TSPAN7: variants seen among roughly 807,000 people sequenced by gnomAD.
The protein encoded by TSPAN7 is tetraspanin-7.
TSPAN7 carries 1 observed loss-of-function variant against 17.6 expected under a neutral mutation model. The observed-to-expected ratio is 0.06, with a 90% CI of 0.02 to 0.27. The LOEUF is 0.27. Ranked by LOEUF, TSPAN7 falls within the 10% of genes least tolerant of loss-of-function variation. TSPAN7 has a pLI of 1.00. For missense variants in TSPAN7, 112 were observed against 201.7 expected (o/e 0.56, Z 2.69); for synonymous variants, 78 against 79.0 (o/e 0.99, Z 0.07).
At chrX:38,638,876 T>G (rs1251944781) in intron 1 of TSPAN7, among the ~76,000 whole-genome samples, 1 of 111,723 alleles carries the variant, frequency 9.0e-6, no homozygotes, top group South Asian at 3.8e-4. Context: ...TTCAAGGCTT[T>G]TCTCTGGAAT....
chrX:38,631,057 A>T (rs1421074478), intron 1 of TSPAN7, among the ~76,000 whole-genome samples: 2 of 112,551 alleles, frequency 1.8e-5, no homozygotes, highest in East Asian at 5.5e-4. Flanking sequence ...GTAATAATTT[A>T]AAAAATACAA....
intron 2 of TSPAN7, among the ~76,000 whole-genome samples, chrX:38,669,640 T>C (rs1258048342): frequency 8.9e-6 from 1 of 112,432 alleles, no homozygotes; most frequent in Admixed American, 9.4e-5. Flanking sequence ...CTGATTCGGC[T>C]GATGAGAGCG....
intron 1 of TSPAN7, among the ~76,000 whole-genome samples, chrX:38,635,803 G>A (rs1162631369): frequency 9.0e-6 from 1 of 111,237 alleles, no homozygotes; most frequent in Non-Finnish European, 1.9e-5. Context: ...TTGCAGAGTA[G>A]GACTCAAACG....
At chrX:38,642,616 T>C (rs2069619667) in intron 1 of TSPAN7, among the ~76,000 whole-genome samples, 1 of 112,265 alleles carries the variant, frequency 8.9e-6, no homozygotes, top group Non-Finnish European at 1.9e-5. Flanking sequence ...CCAAGGCTCC[T>C]GCTACTGAGA....
chrX:38,683,005 T>A (rs941136883), intron 6 of TSPAN7, among the ~76,000 whole-genome samples: 3 of 111,335 alleles, frequency 2.7e-5, no homozygotes, highest in African/African-American at 9.8e-5. Context: ...AGGAGACCTG[T>A]CCCATTGGAG....
intron 1 of TSPAN7, among the ~76,000 whole-genome samples, chrX:38,630,611 T>C (rs890581009): frequency 2.7e-5 from 3 of 112,116 alleles, no homozygotes; most frequent in African/African-American, 9.7e-5. Context: ...TATGTATACA[T>C]CTCTACTATT....
intron 1 of TSPAN7, among the ~76,000 whole-genome samples, chrX:38,568,249 C>A (rs1021473669): frequency 9.2e-6 from 1 of 109,005 alleles, no homozygotes; most frequent in Non-Finnish European, 1.9e-5. Flanking sequence ...TCTCCTTTTA[C>A]GTTGGATCCT....
At chrX:38,561,752 G>A (rs1389326899) in intron 1 of TSPAN7, 125 bp downstream of exon 1, 3 of 571,356 alleles carry the variant, frequency 5.3e-6, no homozygotes, top group Non-Finnish European at 8.0e-6. Flanking sequence ...TCTTTAAGGA[G>A]ACAGGCGCGG....
rs753552121 is a variant in TSPAN7, at chrX:38,587,772, T to C, written c.81+26145T>C. Among the ~76,000 whole-genome samples, 5 of 112,291 alleles carry C rather than the reference T, an allele frequency of 4.5e-5. No individual in the cohort carries two copies. The South Asian group carries it at 1.8e-3, about 41-fold the overall frequency. On this transcript the variant is annotated intron_variant, in intron 1 of 7. Coordinates refer to ENST00000378482, the MANE Select transcript of TSPAN7 (RefSeq NM_004615.4). ...ATCTATATTAACATCTCTCATAAAATACTGAGTTTTATGTCCACAAATTCC... is the reference window on the plus strand; with the variant it reads ...ATCTATATTAACATCTCTCATAAAACACTGAGTTTTATGTCCACAAATTCC...
intron 1 of TSPAN7, among the ~76,000 whole-genome samples, chrX:38,637,403 A>T (rs1258967341): frequency 8.9e-6 from 1 of 111,940 alleles, no homozygotes; most frequent in Non-Finnish European, 1.9e-5. Context: ...TCTAAAAGAG[A>T]TATATAATCT....
At chrX:38,615,412 T>C (rs1157273635) in intron 1 of TSPAN7, among the ~76,000 whole-genome samples, 1 of 112,123 alleles carries the variant, frequency 8.9e-6, no homozygotes, top group Non-Finnish European at 1.9e-5. Context: ...GGTTCCATTT[T>C]CATACAGTGT....
intron 1 of TSPAN7, among the ~76,000 whole-genome samples, chrX:38,630,701 A>G (rs994978149): frequency 9.0e-6 from 1 of 111,205 alleles, no homozygotes; most frequent in Non-Finnish European, 1.9e-5. Context: ...AATCCCTCTC[A>G]TTTTTTCTTT....
At chrX:38,625,981 A>C (rs2069520464) in intron 1 of TSPAN7, among the ~76,000 whole-genome samples, 1 of 112,242 alleles carries the variant, frequency 8.9e-6, no homozygotes. Flanking sequence ...CAGTGTCAGG[A>C]ATCTGTTGAG....
chrX:38,625,614 G>C (rs1380890623), intron 1 of TSPAN7, among the ~76,000 whole-genome samples: 1 of 111,833 alleles, frequency 8.9e-6, no homozygotes, highest in African/African-American at 3.3e-5. Context: ...TGTTTGAGCA[G>C]CTAGTCCTAC....
In TSPAN7 at chrX:38,617,491, C is replaced by T. The variant is rs779161962; in HGVS notation, c.82-48630C>T. Among the ~76,000 whole-genome samples, 9 of 112,653 alleles carry T rather than the reference C, an allele frequency of 8.0e-5. No homozygotes were observed. The South Asian group carries it at 3.3e-3, about 42-fold the overall frequency. On this transcript the variant is annotated intron_variant, in intron 1 of 7. Coordinates refer to ENST00000378482, the MANE Select transcript of TSPAN7 (RefSeq NM_004615.4). ...TTTAATATTTTCCAGTTGCCTGCAA[C>T]TTATGAAGTTGCAAAATAGCTCAAA...
chrX:38,636,800 G>A (rs1007121350), intron 1 of TSPAN7, among the ~76,000 whole-genome samples: 4 of 110,401 alleles, frequency 3.6e-5, no homozygotes, highest in East Asian at 5.7e-4. Context: ...CTCAGCCTCC[G>A]GAGTAGCTGG....
At chrX:38,590,651 T>G (rs2069286077) in intron 1 of TSPAN7, among the ~76,000 whole-genome samples, 2 of 111,735 alleles carry the variant, frequency 1.8e-5, no homozygotes, top group Non-Finnish European at 3.8e-5. Context: ...TGTGGTAGTT[T>G]GTGTCTTTCA....
rs1050710137 is a variant in TSPAN7 at position 38,565,473 on chromosome X, C to T, written c.81+3846C>T. ...TCGATCCCTTGACCTCGTGATCTGC[C>T]CGCCTCAGCCTCCCAAAGTGCTGGG... On this transcript the variant is annotated intron_variant, in intron 1 of 7. Transcript: ENST00000378482. 6.1e-4 allele frequency among the ~76,000 whole-genome samples: 69 copies of T among 112,239 alleles called. 1 individual carries two copies. Among genetic ancestry groups the T allele is most frequent in the Non-Finnish European group, 1.5e-4 (8 of 53,209 alleles).
rs1398466767 is a variant in TSPAN7, at chrX:38,675,854, C to A, written c.591C>A (p.Asn197Lys). 8.3e-7 allele frequency: 1 copy of A among 1,211,264 alleles called. No homozygotes were observed. Among genetic ancestry groups the A allele is most frequent in the Admixed American group, 2.2e-5 (1 of 45,965 alleles). The change falls in exon 5 of 8, where the codon AAC becomes AAA. Residue 197 changes from asparagine to lysine, a missense_variant. Physicochemically the swap from Asn to Lys is moderately conservative, Grantham distance 94. Coordinates refer to ENST00000378482, the MANE Select transcript of TSPAN7 (RefSeq NM_004615.4). ...TGACTGTGGCCGCCACCAAAGTTAA[C>A]CAGAAGGTACCCGCTTTCTCCTGGC... Reference protein sequence around the residue: ...HNLTVAATKVNQKGCYDLVTS... With the variant: ...HNLTVAATKVKQKGCYDLVTS...
Sources: allele counts gnomAD v4.1 joint callset (sites outside exome capture counted in the v4.1 genomes callset), GRCh38; gene constraint gnomAD v4.1.1; transcripts MANE v1.5; gene names NCBI Gene and HGNC (gene_info 2026-07-23, HGNC 2026-07-21).